The following PKHD1 variants were observed in gnomAD, a reference collection of about 807,000 sequenced individuals.
The protein encoded by PKHD1 is PKHD1 ciliary IPT domain containing fibrocystin/polyductin.
A neutral mutation model predicts 412.0 loss-of-function variants in PKHD1; 291 were observed. The ratio of observed to expected loss-of-function variants is 0.71; its 90% CI spans 0.64 to 0.78. The LOEUF (loss-of-function observed/expected upper bound fraction) is 0.78. Among genes scored for constraint, PKHD1 ranks in the 30% least tolerant of loss-of-function variants. The pLI is 0.00. For synonymous variants in PKHD1, 1,777 were observed against 1,821.5 expected (o/e 0.98, Z 0.62); for missense variants, 4,825 against 4,950.7 (o/e 0.97, Z 0.76).
chr6:51,783,750 G>A (rs1792421300), intron 53 of PKHD1, among the ~76,000 whole-genome samples: 1 of 152,016 alleles, frequency 6.6e-6, no homozygotes, highest in African/African-American at 2.4e-5. Context: ...TTTGAGTGGG[G>A]GACATTTTTA....
intron 16 of PKHD1, 141 bp from the exon 17 acceptor site, chr6:52,057,120 A>T: frequency 1.4e-6 from 1 of 703,758 alleles, no homozygotes; most frequent in Non-Finnish European, 2.6e-6. Context: ...AACATTCAGA[A>T]ATCTCTGAGG....
intron 60 of PKHD1, chr6:51,721,806 C>T: frequency 6.7e-7 from 1 of 1,486,184 alleles, no homozygotes; most frequent in Non-Finnish European, 8.9e-7. Flanking sequence ...CTGTACCATC[C>T]TCTCCATTCT....
chr6:52,050,904 T>C (rs914152541), intron 21 of PKHD1, among the ~76,000 whole-genome samples: 5 of 152,240 alleles, frequency 3.3e-5, no homozygotes, highest in African/African-American at 1.2e-4. Context: ...CATGCATGAT[T>C]GATAGCAATC....
At position 51,650,390 on chromosome 6, in the gene PKHD1, G is replaced by C. The variant is rs188699816; in HGVS notation, c.11175-1170C>G. Among the ~76,000 whole-genome samples, 479 of 152,188 alleles carry C rather than the reference G, an allele frequency of 3.1e-3. 1 individual carries two copies. The highest frequency in any genetic ancestry group is 0.011 in the African/African-American group (460 of 41,552). On this transcript the variant is annotated intron_variant, in intron 61 of 66. Coordinates refer to ENST00000371117, the MANE Select transcript of PKHD1 (RefSeq NM_138694.4). ...CACATATATATGGGACCCTGACATAGAGCAACCCTTGGTGAGTTATCCTCA... is the reference window on the plus strand; with the variant it reads ...CACATATATATGGGACCCTGACATACAGCAACCCTTGGTGAGTTATCCTCA...
At chr6:51,902,369 C>G (rs1282972199) in intron 43 of PKHD1, among the ~76,000 whole-genome samples, 1 of 152,098 alleles carries the variant, frequency 6.6e-6, no homozygotes, top group Non-Finnish European at 1.5e-5. Context: ...TTAAATGCAG[C>G]TCCAGCTGTC....
chr6:51,670,944 T>C (rs1436561052), intron 60 of PKHD1, among the ~76,000 whole-genome samples: 1 of 152,020 alleles, frequency 6.6e-6, no homozygotes, highest in Non-Finnish European at 1.5e-5. Context: ...CTTCCCTTTG[T>C]GGGTAACCAG....
chr6:51,700,176 T>TA (rs1011032464), intron 60 of PKHD1, among the ~76,000 whole-genome samples: 3 of 152,050 alleles, frequency 2.0e-5, no homozygotes, highest in African/African-American at 7.2e-5. Flanking sequence ...AATTAGAAAC[T>TA]AATTAAAATA....
chr6:52,067,727 G>A (rs1453381219), intron 11 of PKHD1, among the ~76,000 whole-genome samples: 3 of 152,174 alleles, frequency 2.0e-5, no homozygotes, highest in Non-Finnish European at 4.4e-5. Context: ...GTGGACAGAA[G>A]AAATTGCACA....
intron 52 of PKHD1, among the ~76,000 whole-genome samples, chr6:51,801,654 TGAGAGA>T (rs10582944): frequency 1.8e-5 from 2 of 114,208 alleles, no homozygotes; most frequent in African/African-American, 7.5e-5. Context: ...TGTGTGTGTG[TGAGAGA>T]GAGAGAGAGA....
chr6:51,727,938 C>T (rs1031310896), intron 60 of PKHD1, among the ~76,000 whole-genome samples: 1 of 152,148 alleles, frequency 6.6e-6, no homozygotes, highest in African/African-American at 2.4e-5. Flanking sequence ...CTACTCTATG[C>T]CTGTCTAACA....
intron 46 of PKHD1, among the ~76,000 whole-genome samples, chr6:51,882,773 G>A (rs993610622): frequency 9.2e-5 from 14 of 152,168 alleles, no homozygotes; most frequent in African/African-American, 2.2e-4. Context: ...ACAAAATAAC[G>A]AACTAGGCAA....
intron 65 of PKHD1, among the ~76,000 whole-genome samples, chr6:51,629,591 CAAG>C (rs200793639): frequency 0.043 from 6,505 of 151,626 alleles, 232 homozygotes; most frequent in African/African-American, 0.093. Context: ...AACAAAAAAC[CAAG>C]AAGAAGAGAA....
chr6:51,666,758 T>C (rs1773872095), intron 60 of PKHD1, among the ~76,000 whole-genome samples: 2 of 145,330 alleles, frequency 1.4e-5, no homozygotes, highest in Admixed American at 7.2e-5. Context: ...TGTGTTCTCA[T>C]TGTTCAATTC....
chr6:52,021,726 T>A (rs1801429406), intron 33 of PKHD1, among the ~76,000 whole-genome samples: 1 of 152,070 alleles, frequency 6.6e-6, no homozygotes. Context: ...AACAAAAATT[T>A]TTTTCTCCTC....
Position 51,638,879 on chromosome 6 carries a change from G to A in PKHD1, c.11476C>T (p.His3826Tyr), listed in dbSNP as rs760056303. 1 of 1,610,702 alleles carries A rather than the reference G, an allele frequency of 6.2e-7. No homozygotes were observed. The highest frequency in any genetic ancestry group is 1.7e-5 in the Admixed American group (1 of 59,894). The change falls in exon 64 of 67, where the codon CAC (histidine) becomes TAC (tyrosine). Residue 3826 changes from histidine to tyrosine, a missense_variant. His to Tyr is a moderately conservative substitution (Grantham distance 83, BLOSUM62 2). Transcript: ENST00000371117. ...GGAGAAGTGACAGTAAAAATAAAGT[G>A]CCAGTTTGACCCAGAGATCAAGACT... ...LAVLISGSNW[H>Y]FIFTVTSPPG... is the part of the protein sequence containing the mutation.
At chr6:52,066,585 C>T (rs1057507216) in intron 11 of PKHD1, among the ~76,000 whole-genome samples, 1 of 152,180 alleles carries the variant, frequency 6.6e-6, no homozygotes, top group Non-Finnish European at 1.5e-5. Flanking sequence ...ATACCCAGTT[C>T]TTTCATGCTG....
chr6:51,982,721 CTTGT>C (rs1259756544), intron 35 of PKHD1, among the ~76,000 whole-genome samples: 1 of 144,910 alleles, frequency 6.9e-6, no homozygotes, highest in Non-Finnish European at 1.5e-5. Flanking sequence ...CCTTTGTTCA[CTTGT>C]TTATCTGCTG....
chr6:51,671,536 C>A (rs1371385108), intron 60 of PKHD1, among the ~76,000 whole-genome samples: 1 of 152,322 alleles, frequency 6.6e-6, no homozygotes, highest in East Asian at 1.9e-4. Context: ...CTGAAGCCTT[C>A]TTCTCTCAGC....
At chr6:51,675,533 T>C (rs1775698600) in intron 60 of PKHD1, among the ~76,000 whole-genome samples, 1 of 152,144 alleles carries the variant, frequency 6.6e-6, no homozygotes, top group African/African-American at 2.4e-5. Flanking sequence ...AGTAGCACAC[T>C]GGAGAAAGAG....
Sources: allele counts gnomAD v4.1 joint callset (sites outside exome capture counted in the v4.1 genomes callset), GRCh38; gene constraint gnomAD v4.1.1; transcripts MANE v1.5; gene names NCBI Gene and HGNC (gene_info 2026-07-23, HGNC 2026-07-21).